Variants in TM9SF3 observed in about 807,000 individuals in gnomAD.
TM9SF3 encodes the protein transmembrane 9 superfamily member 3, also known as SM-11044-binding protein.
In TM9SF3, 14 loss-of-function variants were observed where a neutral mutation model predicts 78.6. The observed-to-expected ratio is 0.18, with a 90% confidence interval of 0.12 to 0.28. The LOEUF (loss-of-function observed/expected upper bound fraction) is 0.28, where lower values mean the gene tolerates loss of function less well. TM9SF3 is among the 10% of genes least tolerant of loss of function. The pLI is 1.00. For missense variants in TM9SF3, 496 were observed against 721.9 expected, an observed-to-expected ratio of 0.69 and a Z score of 3.59; for synonymous variants, 231 against 241.7, an observed-to-expected ratio of 0.96 and a Z score of 0.41.
chr10:96,540,527 T>C (rs1361014888), intron 9 of TM9SF3, among the ~76,000 whole-genome samples: 1 of 152,134 alleles, frequency 6.6e-6, no homozygotes, highest in Non-Finnish European at 1.5e-5. Context: ...ACTTCCCTCT[T>C]ACCAGGGAAT....
chr10:96,572,461 C>G (rs1440520801), intron 2 of TM9SF3, among the ~76,000 whole-genome samples: 1 of 151,424 alleles, frequency 6.6e-6, no homozygotes, highest in African/African-American at 2.4e-5. Flanking sequence ...CTGGAGGGTA[C>G]TGAATTCAAA....
intron 2 of TM9SF3, among the ~76,000 whole-genome samples, chr10:96,569,122 G>A (rs1848410870): frequency 6.6e-6 from 1 of 152,166 alleles, no homozygotes; most frequent in African/African-American, 2.4e-5. Flanking sequence ...AGTAAGCTGT[G>A]ATGGGACCAC....
At chr10:96,554,291 C>A (rs1848208498) in intron 5 of TM9SF3, among the ~76,000 whole-genome samples, 1 of 152,140 alleles carries the variant, frequency 6.6e-6, no homozygotes, top group South Asian at 2.1e-4. Context: ...CATCTTCTCA[C>A]CTCCCGATCC....
chr10:96,541,723 C>T (rs1822093697), intron 9 of TM9SF3, among the ~76,000 whole-genome samples: 1 of 152,180 alleles, frequency 6.6e-6, no homozygotes, highest in African/African-American at 2.4e-5. Flanking sequence ...GAGTGAAGAT[C>T]ACCCAGAAAA....
intron 3 of TM9SF3, among the ~76,000 whole-genome samples, chr10:96,564,163 G>A (rs554411972): frequency 6.6e-6 from 1 of 151,798 alleles, no homozygotes; most frequent in Non-Finnish European, 1.5e-5. Context: ...ATGGTGGGGT[G>A]CACCGGTAGT....
chr10:96,553,147 A>G, intron 5 of TM9SF3, 88 bp from the exon 6 acceptor site: 2 of 1,331,680 alleles, frequency 1.5e-6, no homozygotes, highest in Non-Finnish European at 2.0e-6. Flanking sequence ...ATGTTAATGC[A>G]AAGAAAAAAA....
intron 5 of TM9SF3, among the ~76,000 whole-genome samples, chr10:96,554,813 A>G (rs1375091417): frequency 6.6e-6 from 1 of 152,190 alleles, no homozygotes; most frequent in Non-Finnish European, 1.5e-5. Context: ...CACCTCATAT[A>G]TAACACTTGT....
chr10:96,541,130 T>C (rs1848026014), intron 9 of TM9SF3, among the ~76,000 whole-genome samples: 1 of 152,148 alleles, frequency 6.6e-6, no homozygotes, highest in Admixed American at 6.5e-5. Flanking sequence ...CTGTGAGTTT[T>C]AAAACTCTGT....
In TM9SF3 at chr10:96,551,427, T is replaced by C. The variant is rs768747413; in HGVS notation, c.793-16A>G. 1 of 1,497,250 alleles carries C rather than the reference T, an allele frequency of 6.7e-7. No homozygotes were observed. The highest frequency in any genetic ancestry group is 8.9e-7 in the Non-Finnish European group (1 of 1,121,816). The allele number at this position is 1,497,250 out of a possible 1,614,324, so 92.7% of individuals were successfully genotyped here. ...GGTCTCTATCCTATATACAAATATATATATAGAGAGAGAAAAGCAAATCAT... is the reference window on the plus strand; with the variant it reads ...GGTCTCTATCCTATATACAAATATACATATAGAGAGAGAAAAGCAAATCAT... On this transcript the variant is annotated splice_polypyrimidine_tract_variant and intron_variant, in intron 6 of 14. Transcript: ENST00000371142.
At chr10:96,540,153 C>G (rs1848004924) in intron 9 of TM9SF3, among the ~76,000 whole-genome samples, 1 of 152,110 alleles carries the variant, frequency 6.6e-6, no homozygotes, top group South Asian at 2.1e-4. Flanking sequence ...CTAGTTTCTT[C>G]CCTAGTCTCA....
At chr10:96,525,511 A>G (rs1388256164) in intron 14 of TM9SF3, among the ~76,000 whole-genome samples, 3 of 152,074 alleles carry the variant, frequency 2.0e-5, no homozygotes, top group Non-Finnish European at 2.9e-5. Flanking sequence ...TTGATGGAGA[A>G]ACAAAGCAAT....
In TM9SF3 at chr10:96,584,472, C is replaced by T. The variant is rs375875145; in HGVS notation, c.102+2262G>A. ...TGAATTTTATGCTTATTTTTAGATG[C>T]TATTCTTCCCATAACTGTTTTTGTT... On this transcript the variant is annotated intron_variant, in intron 1 of 14. Coordinates refer to ENST00000371142, the MANE Select transcript of TM9SF3 (RefSeq NM_020123.4). 5.3e-5 allele frequency among the ~76,000 whole-genome samples: 8 copies of T among 152,122 alleles called. No individual in the cohort carries two copies. The East Asian group carries it at 7.7e-4, about 15-fold the overall frequency.
chr10:96,579,778 T>A (rs934377345), intron 1 of TM9SF3, among the ~76,000 whole-genome samples: 1 of 152,210 alleles, frequency 6.6e-6, no homozygotes, highest in African/African-American at 2.4e-5. Flanking sequence ...TACAATTAAC[T>A]TAAAATGTTT....
In TM9SF3 at chr10:96,518,775, G is replaced by C. The variant is rs746157664; in HGVS notation, c.*3488C>G. 10 of 152,044 alleles carry C rather than the reference G, an allele frequency of 6.6e-5. No individual in the cohort carries two copies. The highest frequency in any genetic ancestry group is 1.0e-4 in the Non-Finnish European group (7 of 67,952). 9.4% of individuals were successfully genotyped at this position (152,044 alleles called of 1,614,324 possible). A position where few individuals can be genotyped will look rare whatever the true frequency, so the allele number is the denominator to read the frequency against. The stretch of plus-strand genomic sequence containing the variant: ...CTGATCTAGCCTACCTGTAAGTCTA[G>C]TTTATTTCTGTACACACTTCCAAAT... On this transcript the variant is annotated 3_prime_UTR_variant, in exon 15 of 15. Coordinates refer to ENST00000371142, the MANE Select transcript of TM9SF3 (RefSeq NM_020123.4).
At position 96,587,010 on chromosome 10, in the gene TM9SF3, C is replaced by T; in HGVS notation, c.-175G>A. On this transcript the variant is annotated 5_prime_UTR_variant, in exon 1 of 15. Transcript: ENST00000371142. ...GCCGCCGTCGCCGTCACCGCCCGCT[C>T]CTGAGCCTCCCCCGCCCCCCGCGCC... 1 of 322,004 alleles carries T rather than the reference C, an allele frequency of 3.1e-6. No homozygotes were observed. 19.9% of individuals were successfully genotyped at this position (322,004 alleles called of 1,614,324 possible). A position where few individuals can be genotyped will look rare whatever the true frequency, so the allele number is the denominator to read the frequency against.
intron 9 of TM9SF3, among the ~76,000 whole-genome samples, chr10:96,534,083 CTGAT>C (rs562376669): frequency 1.7e-3 from 264 of 152,200 alleles, no homozygotes; most frequent in African/African-American, 5.8e-3. Context: ...TGTGAAGACA[CTGAT>C]TGAGAGAAAT....
Position 96,528,041 on chromosome 10 carries a change from C to A in TM9SF3, c.1531G>T (p.Asp511Tyr). 6.2e-7 allele frequency: 1 copy of A among 1,610,902 alleles called. No homozygotes were observed. The highest frequency in any genetic ancestry group is 8.5e-7 in the Non-Finnish European group (1 of 1,178,168). ...VCTYFLLNAE[D>Y]YRWQWTSFLS... ...CAAATAGGTACTTACCACCGGTAATCTTCTGCATTTAGTAGAAAATATGTG... is the reference window on the plus strand; with the variant it reads ...CAAATAGGTACTTACCACCGGTAATATTCTGCATTTAGTAGAAAATATGTG... The change falls in exon 12 of 15, where the codon GAT (aspartate) becomes TAT (tyrosine). Residue 511 changes from aspartate to tyrosine, a missense_variant. Asp to Tyr is a radical substitution (Grantham distance 160, BLOSUM62 -3). This residue lies in a region of TM9SF3 where 280 missense variants were observed against 422.6 expected (regional missense o/e 0.66). Transcript: ENST00000371142.
intron 5 of TM9SF3, among the ~76,000 whole-genome samples, chr10:96,556,804 G>A (rs1236438646): frequency 6.6e-6 from 1 of 152,036 alleles, no homozygotes; most frequent in African/African-American, 2.4e-5. Flanking sequence ...CAGCAGCTCT[G>A]TTCAGGTTCT....
At chr10:96,578,307 A>G (rs1041570133) in intron 1 of TM9SF3, among the ~76,000 whole-genome samples, 1 of 152,232 alleles carries the variant, frequency 6.6e-6, no homozygotes, top group Admixed American at 6.5e-5. Flanking sequence ...AAGTAAGTAA[A>G]ATACTGTCGT....
Sources: allele counts gnomAD v4.1 joint callset (sites outside exome capture counted in the v4.1 genomes callset), GRCh38; gene constraint gnomAD v4.1.1; regional missense constraint gnomAD v4.1.1; transcripts MANE v1.5; gene names NCBI Gene and HGNC (gene_info 2026-07-23, HGNC 2026-07-21).